Variants in MTR observed in about 807,000 individuals in gnomAD.
MTR encodes 5-methyltetrahydrofolate-homocysteine methyltransferase.
A neutral mutation model predicts 154.8 loss-of-function variants in MTR; 84 were observed. The observed-to-expected ratio is 0.54, with a 90% CI of 0.45 to 0.65. The LOEUF (loss-of-function observed/expected upper bound fraction) is 0.65, where lower values mean the gene tolerates loss of function less well. Among genes scored for constraint, MTR ranks in the 30% least tolerant of loss-of-function variants. MTR has a pLI of 0.00. For missense variants in MTR, 1,275 were observed against 1,570.2 expected (o/e 0.81, Z 3.18); for synonymous variants, 554 against 553.9 (o/e 1.00, Z 0.00).
At chr1:236,859,180 C>T (rs1664380628) in intron 18 of MTR, among the ~76,000 whole-genome samples, 1 of 152,256 alleles carries the variant, frequency 6.6e-6, no homozygotes, top group Non-Finnish European at 1.5e-5. Context: ...TGGTGAGGGC[C>T]TTCTTGCTGT....
intron 18 of MTR, among the ~76,000 whole-genome samples, chr1:236,854,143 C>A (rs929290824): frequency 2.0e-5 from 3 of 152,148 alleles, no homozygotes; most frequent in Non-Finnish European, 4.4e-5. Flanking sequence ...ATAAAATGCT[C>A]TGGAAGAAGG....
chr1:236,845,736 T>C (rs1663530492), intron 15 of MTR, among the ~76,000 whole-genome samples: 1 of 152,240 alleles, frequency 6.6e-6, no homozygotes, highest in Non-Finnish European at 1.5e-5. Context: ...GTATGCTCAC[T>C]GTCAAATTGT....
At chr1:236,843,463 TTAAC>T (rs1358775577) in intron 15 of MTR, among the ~76,000 whole-genome samples, 1 of 152,182 alleles carries the variant, frequency 6.6e-6, no homozygotes, top group Non-Finnish European at 1.5e-5. Flanking sequence ...ACACTTTTGG[TTAAC>T]ATTGTTACTC....
At chr1:236,865,695 G>C (rs920911822) in intron 22 of MTR, among the ~76,000 whole-genome samples, 1 of 152,094 alleles carries the variant, frequency 6.6e-6, no homozygotes, top group African/African-American at 2.4e-5. Context: ...GATTTGAATA[G>C]AACTAAGGAT....
intron 12 of MTR, among the ~76,000 whole-genome samples, chr1:236,830,498 A>G (rs934889219): frequency 2.0e-5 from 3 of 152,242 alleles, no homozygotes; most frequent in Non-Finnish European, 2.9e-5. Flanking sequence ...GCTTTAAACA[A>G]TCACCTTCCA....
chr1:236,820,148 G>A, intron 8 of MTR: 1 of 764,904 alleles, frequency 1.3e-6, no homozygotes, highest in Non-Finnish European at 2.4e-6. Flanking sequence ...CACTCGGTGG[G>A]TTTGATGTGG....
intron 22 of MTR, among the ~76,000 whole-genome samples, chr1:236,867,554 AC>A (rs1330473724): frequency 2.6e-5 from 4 of 152,232 alleles, no homozygotes; most frequent in Non-Finnish European, 5.9e-5. Flanking sequence ...TTCAAGTCTT[AC>A]ATTTTGTAAG....
At chr1:236,823,149 A>G (rs1451115144) in intron 8 of MTR, among the ~76,000 whole-genome samples, 2 of 152,242 alleles carry the variant, frequency 1.3e-5, no homozygotes, top group African/African-American at 4.8e-5. Flanking sequence ...TCATGTTAAC[A>G]TAATGCATGA....
At position 236,897,558 on chromosome 1, in the gene MTR, G is replaced by A. The variant is rs370707501; in HGVS notation, c.3712G>A (p.Val1238Ile). 6.2e-7 allele frequency: 1 copy of A among 1,613,394 alleles called. No homozygotes were observed. Among genetic ancestry groups the A allele is most frequent in the Non-Finnish European group, 8.5e-7 (1 of 1,179,634 alleles). The change falls in exon 33 of 33, where the codon GTT becomes ATT. Residue 1238 changes from valine to isoleucine, a missense_variant and splice_region_variant. By Grantham distance (29) the Val-to-Ile change is conservative (BLOSUM62 3). Transcript: ENST00000366577. The stretch of plus-strand genomic sequence containing the variant: ...ATAAAATGCTTCTCATCTTTTGCAG[G>A]TTGAGGATTATGCATTGAGGAAGAA... ...FAVGKISKDQ[V>I]EDYALRKNIS...
rs1450336564 is a variant in MTR, at chr1:236,897,162, GA to G, written c.3711+47del. Reference sequence around the variant, plus strand: ...TATATGTGGCTTGCCTAGTTCAAATGAAATTCTAGAACCTCTCTCATTTTAA... The same window carrying G: ...TATATGTGGCTTGCCTAGTTCAAATGAATTCTAGAACCTCTCTCATTTTAA... On this transcript the variant is annotated intron_variant, in intron 32 of 32. Coordinates refer to ENST00000366577, the MANE Select transcript of MTR (RefSeq NM_000254.3). 3 of 1,373,190 alleles carry G rather than the reference GA, an allele frequency of 2.2e-6. No individual in the cohort carries two copies. In the East Asian group the frequency reaches 6.9e-5, roughly 31 times the overall value. 85.1% of individuals were successfully genotyped at this position (1,373,190 alleles called of 1,614,324 possible).
At chr1:236,866,156 T>C (rs1223538321) in intron 22 of MTR, among the ~76,000 whole-genome samples, 1 of 152,208 alleles carries the variant, frequency 6.6e-6, no homozygotes, top group Non-Finnish European at 1.5e-5. Flanking sequence ...TTGTAAAAAT[T>C]TGAGTTTTGT....
In MTR at chr1:236,795,334, T is replaced by G. The variant is rs538292642; in HGVS notation, c.-370T>G. 7.7e-7 allele frequency: 1 copy of G among 1,300,890 alleles called. No homozygotes were observed. Among genetic ancestry groups the G allele is most frequent in the Admixed American group, 2.4e-5 (1 of 41,206 alleles). The allele number at this position is 1,300,890 out of a possible 1,614,324, so 80.6% of individuals were successfully genotyped here. A position where few individuals can be genotyped will look rare whatever the true frequency, so the allele number is the denominator to read the frequency against. ...GAAAGGTTCTAAATGTCTGCGGGGCTCAGAGCCGGATGTCACGTCGTCCTC... is the reference window on the plus strand; with the variant it reads ...GAAAGGTTCTAAATGTCTGCGGGGCGCAGAGCCGGATGTCACGTCGTCCTC... On this transcript the variant is annotated 5_prime_UTR_variant, in exon 1 of 33. Coordinates refer to ENST00000366577, the MANE Select transcript of MTR (RefSeq NM_000254.3).
intron 22 of MTR, among the ~76,000 whole-genome samples, chr1:236,863,963 C>T (rs971868200): frequency 3.3e-5 from 5 of 152,030 alleles, no homozygotes. Flanking sequence ...CTTGGCTAAA[C>T]AGTTTTACAG....
chr1:236,829,554 G>C (rs1430943907), intron 12 of MTR, among the ~76,000 whole-genome samples: 7 of 152,154 alleles, frequency 4.6e-5, no homozygotes, highest in African/African-American at 1.7e-4. Context: ...CCACTGTTTT[G>C]AAAACATACT....
chr1:236,811,712 A>G (rs1387011405), intron 5 of MTR: 1 of 456,038 alleles, frequency 2.2e-6, no homozygotes, highest in South Asian at 1.6e-5. Context: ...GTAAGTCTTC[A>G]CTTAACGTCA....
intron 15 of MTR, among the ~76,000 whole-genome samples, chr1:236,841,435 G>A (rs1048872603): frequency 3.3e-5 from 5 of 152,082 alleles, no homozygotes; most frequent in African/African-American, 7.2e-5. Context: ...TCCCCTAGTT[G>A]TATAAATCTC....
At chr1:236,874,104 A>G (rs1031959671) in intron 23 of MTR, among the ~76,000 whole-genome samples, 1 of 152,066 alleles carries the variant, frequency 6.6e-6, no homozygotes, top group African/African-American at 2.4e-5. Flanking sequence ...TCATTTTTAT[A>G]TTTCTTCTCA....
At chr1:236,861,097 C>CTTTTTTTTTTTTTTTTTTTTTGTTTTT in intron 19 of MTR, 28 bp from the exon 20 acceptor site, 1 of 1,156,660 alleles carries the variant, frequency 8.6e-7, no homozygotes, top group Non-Finnish European at 1.2e-6. Context: ...CTTTCTTTTT[C>CTTTTTTTTTTTTTTTTTTTTTGTTTTT]TTTTTTTTTT....
In MTR at chr1:236,850,744, T is replaced by G. The variant is rs1249737130; in HGVS notation, c.1695+221T>G. 5.3e-5 allele frequency among the ~76,000 whole-genome samples: 8 copies of G among 152,286 alleles called. No individual in the cohort carries two copies. In the East Asian group the frequency reaches 1.5e-3, roughly 29 times the overall value. ...GAGAACATAACAGAGCCTGATGAACTCGCTTGAACCCAGGAGGGTGGAGGT... is the reference window on the plus strand; with the variant it reads ...GAGAACATAACAGAGCCTGATGAACGCGCTTGAACCCAGGAGGGTGGAGGT... On this transcript the variant is annotated intron_variant, in intron 16 of 32. Transcript: ENST00000366577.
Sources: gnomAD v4.1 joint callset for allele counts (sites outside exome capture counted in the v4.1 genomes callset) on GRCh38, gnomAD v4.1.1 for gene constraint, MANE v1.5 for transcripts, NCBI Gene and HGNC (gene_info 2026-07-23, HGNC 2026-07-21) for gene names.